Variants in FOXP2 observed in about 807,000 individuals in gnomAD.
FOXP2 encodes the protein forkhead box P2.
Under a neutral mutation model 115.8 loss-of-function variants are expected in FOXP2, and 12 were observed. The ratio of observed to expected loss-of-function variants is 0.10; its 90% CI spans 0.07 to 0.17. FOXP2 has a LOEUF of 0.17. Ranked by LOEUF, FOXP2 falls within the 10% of genes least tolerant of loss-of-function variation. The pLI is 1.00. For missense variants in FOXP2, 629 were observed against 843.5 expected, an observed-to-expected ratio of 0.75 and a Z score of 3.15; for synonymous variants, 328 against 297.7, an observed-to-expected ratio of 1.10 and a Z score of -1.05.
intron 1 of FOXP2, among the ~76,000 whole-genome samples, chr7:114,099,113 C>T (rs944629604): frequency 1.2e-4 from 19 of 152,026 alleles, no homozygotes; most frequent in African/African-American, 2.9e-4. Context: ...CCACCATGGG[C>T]GACAGAGCAT....
chr7:114,171,533 T>G (rs1793139256), intron 1 of FOXP2, among the ~76,000 whole-genome samples: 1 of 152,170 alleles, frequency 6.6e-6, no homozygotes, highest in African/African-American at 2.4e-5. Flanking sequence ...ATTATTGTAC[T>G]ACTACAGCAG....
At chr7:114,610,260 G>A (rs1392448630) in intron 3 of FOXP2, among the ~76,000 whole-genome samples, 1 of 152,144 alleles carries the variant, frequency 6.6e-6, no homozygotes, top group African/African-American at 2.4e-5. Context: ...TGAAATTCTT[G>A]TATATTACTG....
At chr7:114,484,938 G>A (rs943670005) in intron 2 of FOXP2, among the ~76,000 whole-genome samples, 1 of 151,650 alleles carries the variant, frequency 6.6e-6, no homozygotes, top group South Asian at 2.1e-4. Flanking sequence ...TCAATGTTAA[G>A]GTACTATGTA....
chr7:114,111,930 A>G (rs923810343), intron 1 of FOXP2, among the ~76,000 whole-genome samples: 4 of 151,788 alleles, frequency 2.6e-5, no homozygotes, highest in Non-Finnish European at 4.4e-5. Context: ...CATGAGAAAA[A>G]TGGGTGTTTA....
chr7:114,666,413 T>A (rs1807165744), intron 16 of FOXP2: 1 of 152,134 alleles, frequency 6.6e-6, no homozygotes, highest in Non-Finnish European at 1.5e-5. Context: ...TTATGAAATA[T>A]TTCAGTATTC....
chr7:114,247,644 G>T (rs949115204), intron 1 of FOXP2, among the ~76,000 whole-genome samples: 1 of 152,098 alleles, frequency 6.6e-6, no homozygotes, highest in South Asian at 2.1e-4. Flanking sequence ...TGTTTTTAAC[G>T]TAGTATTCAT....
At chr7:114,462,944 T>C (rs1795642662) in intron 2 of FOXP2, 1 of 302,406 alleles carries the variant, frequency 3.3e-6, no homozygotes, top group Non-Finnish European at 6.6e-6. Flanking sequence ...TAGCAAATGA[T>C]ACAAGAATCA....
chr7:114,364,292 G>A (rs1791825166), intron 2 of FOXP2, among the ~76,000 whole-genome samples: 1 of 152,046 alleles, frequency 6.6e-6, no homozygotes, highest in South Asian at 2.1e-4. Context: ...GGAGGTCATG[G>A]ATTTCATCCC....
At chr7:114,392,801 T>C (rs1456970792) in intron 2 of FOXP2, among the ~76,000 whole-genome samples, 1 of 152,200 alleles carries the variant, frequency 6.6e-6, no homozygotes, top group African/African-American at 2.4e-5. Flanking sequence ...ACCAACTTAG[T>C]AAGTGCCTAC....
intron 2 of FOXP2, among the ~76,000 whole-genome samples, chr7:114,404,125 G>A (rs1792960185): frequency 6.6e-6 from 1 of 152,102 alleles, no homozygotes; most frequent in African/African-American, 2.4e-5. Context: ...GGTGCAATTG[G>A]GATGAGTGGG....
intron 3 of FOXP2, among the ~76,000 whole-genome samples, chr7:114,548,538 TTTTG>T (rs1249122714): frequency 2.0e-5 from 3 of 152,198 alleles, no homozygotes; most frequent in Admixed American, 6.5e-5. Flanking sequence ...GTGAAATAAA[TTTTG>T]TTTGTTTGTT....
At chr7:114,306,038 C>T (rs555260921) in intron 2 of FOXP2, among the ~76,000 whole-genome samples, 1 of 151,654 alleles carries the variant, frequency 6.6e-6, no homozygotes, top group Non-Finnish European at 1.5e-5. Flanking sequence ...GAAAAATAAT[C>T]TAAGCCATCA....
chr7:114,621,486 G>A (rs1007054944), intron 3 of FOXP2, among the ~76,000 whole-genome samples: 1 of 151,984 alleles, frequency 6.6e-6, no homozygotes, highest in Non-Finnish European at 1.5e-5. Flanking sequence ...GGACATTCAC[G>A]AAAAAGTAAT....
chr7:114,427,902 A>G (rs2129205737), intron 2 of FOXP2, among the ~76,000 whole-genome samples: 1 of 151,618 alleles, frequency 6.6e-6, no homozygotes, highest in South Asian at 2.1e-4. Context: ...TACAATTTTC[A>G]TTTTTTTCAC....
At chr7:114,268,053 A>G (rs183990497) in intron 1 of FOXP2, among the ~76,000 whole-genome samples, 1 of 152,258 alleles carries the variant, frequency 6.6e-6, no homozygotes, top group East Asian at 1.9e-4. Context: ...TGGAATCACA[A>G]TATTTGTCCT....
At chr7:114,684,089 G>C (rs1358271316) in intron 16 of FOXP2, among the ~76,000 whole-genome samples, 2 of 151,972 alleles carry the variant, frequency 1.3e-5, no homozygotes, top group Non-Finnish European at 2.9e-5. Flanking sequence ...TTGTTGCCCA[G>C]GCTGGCATTC....
intron 2 of FOXP2, among the ~76,000 whole-genome samples, chr7:114,497,203 G>C (rs926788487): frequency 6.6e-6 from 1 of 152,174 alleles, no homozygotes; most frequent in Non-Finnish European, 1.5e-5. Context: ...CAGTAGCAGA[G>C]TTTAAATTTT....
At chr7:114,349,504 A>C (rs1258214692) in intron 2 of FOXP2, among the ~76,000 whole-genome samples, 2 of 152,146 alleles carry the variant, frequency 1.3e-5, no homozygotes, top group Non-Finnish European at 2.9e-5. Context: ...AGTAGCTTTT[A>C]TCATTTATTC....
At chr7:114,662,905 G>GA (rs1294451429) in intron 14 of FOXP2, among the ~76,000 whole-genome samples, 2 of 152,108 alleles carry the variant, frequency 1.3e-5, no homozygotes, top group Non-Finnish European at 2.9e-5. Context: ...CTAATATGAA[G>GA]AGATGACTTT....
Sources: allele counts gnomAD v4.1 joint callset (sites outside exome capture counted in the v4.1 genomes callset), GRCh38; gene constraint gnomAD v4.1.1; transcripts MANE v1.5; gene names NCBI Gene and HGNC (gene_info 2026-07-23, HGNC 2026-07-21).